The following MEOX2 variants were observed in gnomAD, a reference collection of about 807,000 sequenced individuals.
MEOX2 encodes the protein mesenchyme homeobox 2.
A neutral mutation model predicts 27.0 loss-of-function variants in MEOX2; 11 were observed. The ratio of observed to expected loss-of-function variants is 0.41; its 90% CI spans 0.26 to 0.68. The LOEUF (loss-of-function observed/expected upper bound fraction) is 0.68, where lower values mean the gene tolerates loss of function less well. MEOX2 is among the 30% of genes least tolerant of loss of function. The pLI, the probability that MEOX2 is intolerant of heterozygous loss-of-function variation, is 0.33. For synonymous variants in MEOX2, 189 were observed against 155.4 expected (o/e 1.22, Z -1.61); for missense variants, 436 against 385.4 (o/e 1.13, Z -1.10).
At chr7:15,619,521 G>A (rs923245719) in intron 2 of MEOX2, among the ~76,000 whole-genome samples, 6 of 151,842 alleles carry the variant, frequency 4.0e-5, no homozygotes, top group African/African-American at 1.4e-4. Flanking sequence ...CTTGATGAAC[G>A]TTTACAGCAA....
At chr7:15,634,664 A>T (rs933510209) in intron 1 of MEOX2, among the ~76,000 whole-genome samples, 1 of 151,926 alleles carries the variant, frequency 6.6e-6, no homozygotes, top group African/African-American at 2.4e-5. Flanking sequence ...TCAGTTATAC[A>T]ACTCTTTTTA....
intron 1 of MEOX2, among the ~76,000 whole-genome samples, chr7:15,675,160 A>G (rs1251885513): frequency 6.6e-6 from 1 of 152,256 alleles, no homozygotes; most frequent in African/African-American, 2.4e-5. Context: ...TTCTGTTCAC[A>G]TAAATATCTA....
At chr7:15,656,863 T>C (rs1020418586) in intron 1 of MEOX2, among the ~76,000 whole-genome samples, 36 of 152,050 alleles carry the variant, frequency 2.4e-4, no homozygotes, top group African/African-American at 8.4e-4. Flanking sequence ...TCTTTAGTCA[T>C]TCTTTCTGGG....
chr7:15,677,865 A>G (rs1418995363), intron 1 of MEOX2, among the ~76,000 whole-genome samples: 1 of 152,226 alleles, frequency 6.6e-6, no homozygotes, highest in Non-Finnish European at 1.5e-5. Context: ...TTTATGATTT[A>G]TCAACTAATG....
At chr7:15,633,848 A>C (rs1183067581) in intron 1 of MEOX2, among the ~76,000 whole-genome samples, 1 of 151,892 alleles carries the variant, frequency 6.6e-6, no homozygotes, top group Non-Finnish European at 1.5e-5. Flanking sequence ...CTAAATACCT[A>C]CTATTCTGCT....
chr7:15,618,158 G>A (rs146087998), intron 2 of MEOX2, among the ~76,000 whole-genome samples: 33 of 151,704 alleles, frequency 2.2e-4, no homozygotes, highest in African/African-American at 5.3e-4. Context: ...CTTTATACCT[G>A]GTAAAATTCA....
chr7:15,672,110 C>CA (rs112306729), intron 1 of MEOX2, among the ~76,000 whole-genome samples: 1 of 151,442 alleles, frequency 6.6e-6, no homozygotes, highest in African/African-American at 2.4e-5. Context: ...ACAAAAAAAA[C>CA]AAAAAAACAA....
chr7:15,665,194 A>C (rs548992351), intron 1 of MEOX2, among the ~76,000 whole-genome samples: 3 of 152,168 alleles, frequency 2.0e-5, no homozygotes. Context: ...AATATCATCA[A>C]ATCTGTGAAT....
chr7:15,676,440 G>A (rs1782193180), intron 1 of MEOX2, among the ~76,000 whole-genome samples: 1 of 152,116 alleles, frequency 6.6e-6, no homozygotes, highest in Admixed American at 6.5e-5. Context: ...TAACATAGCA[G>A]GAAAATGTCA....
chr7:15,616,476 G>A (rs928975247), intron 2 of MEOX2, among the ~76,000 whole-genome samples: 4 of 151,716 alleles, frequency 2.6e-5, no homozygotes, highest in Non-Finnish European at 5.9e-5. Flanking sequence ...TTTAATTCCA[G>A]GTTATAAATC....
chr7:15,648,796 A>G (rs1781689345), intron 1 of MEOX2, among the ~76,000 whole-genome samples: 1 of 152,096 alleles, frequency 6.6e-6, no homozygotes, highest in African/African-American at 2.4e-5. Flanking sequence ...TTTGTTTAGA[A>G]CCTTGTAACA....
chr7:15,684,028 A>G (rs1026700775), intron 1 of MEOX2, among the ~76,000 whole-genome samples: 1 of 152,192 alleles, frequency 6.6e-6, no homozygotes, highest in African/African-American at 2.4e-5. Flanking sequence ...TAAAAAAATT[A>G]TTAAAATAAA....
chr7:15,675,714 T>A (rs983330332), intron 1 of MEOX2, among the ~76,000 whole-genome samples: 1 of 152,208 alleles, frequency 6.6e-6, no homozygotes, highest in African/African-American at 2.4e-5. Context: ...CAGGTTACAA[T>A]TCATTAAGAA....
At chr7:15,617,798 T>C (rs1464891219) in intron 2 of MEOX2, among the ~76,000 whole-genome samples, 1 of 152,122 alleles carries the variant, frequency 6.6e-6, no homozygotes, top group Non-Finnish European at 1.5e-5. Flanking sequence ...CTGTAATTTT[T>C]AGTTCTGAAG....
intron 1 of MEOX2, among the ~76,000 whole-genome samples, chr7:15,641,003 T>C (rs1266655573): frequency 2.0e-5 from 3 of 152,120 alleles, no homozygotes; most frequent in Non-Finnish European, 4.4e-5. Flanking sequence ...GTTGTTGTTG[T>C]TGTGGGTTTG....
At chr7:15,646,318 T>A (rs963653819) in intron 1 of MEOX2, among the ~76,000 whole-genome samples, 2 of 152,082 alleles carry the variant, frequency 1.3e-5, no homozygotes, top group Non-Finnish European at 2.9e-5. Flanking sequence ...ATCTTCACAA[T>A]ATAATTGTGT....
intron 2 of MEOX2, among the ~76,000 whole-genome samples, chr7:15,618,126 C>A (rs1781151556): frequency 6.6e-6 from 1 of 152,050 alleles, no homozygotes; most frequent in East Asian, 1.9e-4. Flanking sequence ...TTTAACTTGG[C>A]CTTTAGTAAA....
chr7:15,642,311 A>T (rs1475106250), intron 1 of MEOX2, among the ~76,000 whole-genome samples: 1 of 152,080 alleles, frequency 6.6e-6, no homozygotes, highest in Admixed American at 6.5e-5. Flanking sequence ...TTCATTTTTT[A>T]AAATTATTTT....
intron 1 of MEOX2, chr7:15,681,845 T>C (rs2115398318): frequency 6.6e-6 from 1 of 151,930 alleles, no homozygotes; most frequent in East Asian, 1.9e-4. Context: ...TACCATGCCT[T>C]GCATTTATGA....
Sources: allele counts gnomAD v4.1 joint callset (sites outside exome capture counted in the v4.1 genomes callset), GRCh38; gene constraint gnomAD v4.1.1; transcripts MANE v1.5; gene names NCBI Gene and HGNC (gene_info 2026-07-23, HGNC 2026-07-21).